Variants in SLC9A2 observed in about 807,000 individuals in gnomAD.
The protein encoded by SLC9A2 is solute carrier family 9 member A2.
In SLC9A2, 42 loss-of-function variants were observed where a neutral mutation model predicts 71.7. That is an observed-to-expected ratio of 0.59 (90% CI 0.46 to 0.76). The LOEUF is 0.76. Among genes scored for constraint, SLC9A2 ranks in the 30% least tolerant of loss-of-function variants. The pLI, the probability that SLC9A2 is intolerant of heterozygous loss-of-function variation, is 0.00. For synonymous variants in SLC9A2, 396 were observed against 392.5 expected (o/e 1.01, Z -0.10); for missense variants, 829 against 1,017.4 (o/e 0.81, Z 2.52).
intron 3 of SLC9A2, among the ~76,000 whole-genome samples, chr2:102,678,755 T>C (rs1369946861): frequency 6.6e-6 from 1 of 152,166 alleles, no homozygotes; most frequent in Non-Finnish European, 1.5e-5. Context: ...TCTGTAAGTT[T>C]CTTGTGATTC....
Position 102,694,465 on chromosome 2 carries a change from A to G in SLC9A2, c.1477A>G (p.Lys493Glu). ...GTTTCTTGATGTCAAGAGGTCCAAT[A>G]AGAAACAACAAGCTGTCAGTGAAGA... Reference protein sequence around the residue: ...VEFLDVKRSNKKQQAVSEEIY... With the variant: ...VEFLDVKRSNEKQQAVSEEIY... Residue 493 changes from lysine to glutamate, a missense_variant, in exon 6 of 12, where the codon AAG (lysine) becomes GAG (glutamate). Transcript: ENST00000233969. 9 of 1,543,456 alleles carry G rather than the reference A, an allele frequency of 5.8e-6. No homozygotes were observed. Among genetic ancestry groups the G allele is most frequent in the Non-Finnish European group, 7.9e-6 (9 of 1,134,576 alleles).
At chr2:102,641,251 A>C (rs534265605) in intron 1 of SLC9A2, among the ~76,000 whole-genome samples, 3 of 152,322 alleles carry the variant, frequency 2.0e-5, no homozygotes, top group African/African-American at 7.2e-5. Flanking sequence ...CACAGAGCTC[A>C]GGCACAGTCC....
At chr2:102,702,756 A>G (rs1677898782) in intron 9 of SLC9A2, among the ~76,000 whole-genome samples, 1 of 152,172 alleles carries the variant, frequency 6.6e-6, no homozygotes, top group Non-Finnish European at 1.5e-5. Context: ...CACGTTGACT[A>G]ATTTTAAAGA....
At chr2:102,629,572 A>C (rs1169927833) in intron 1 of SLC9A2, among the ~76,000 whole-genome samples, 1 of 152,116 alleles carries the variant, frequency 6.6e-6, no homozygotes, top group Non-Finnish European at 1.5e-5. Flanking sequence ...ATTGTGTATA[A>C]TGATATATTT....
Position 102,697,647 on chromosome 2 carries a change from T to C in SLC9A2, c.1586+2534T>C, listed in dbSNP as rs186745686. Among the ~76,000 whole-genome samples the C allele has an allele frequency of 2.2e-3, 324 of 146,078 alleles. 1 individual carries two copies. Among genetic ancestry groups the C allele is most frequent in the African/African-American group, 7.9e-3 (315 of 40,060 alleles). ...ATGATATACAGTGTCATAGACATCA[T>C]AGATGCTGTATATCACAGGTAGAGC... On this transcript the variant is annotated intron_variant, in intron 7 of 11. Transcript: ENST00000233969.
At chr2:102,645,128 C>G (rs981936053) in intron 1 of SLC9A2, among the ~76,000 whole-genome samples, 3 of 152,224 alleles carry the variant, frequency 2.0e-5, no homozygotes, top group Non-Finnish European at 2.9e-5. Flanking sequence ...TGCTGTTCTG[C>G]AGCCTCCGCT....
At chr2:102,626,551 CA>C (rs1213188055) in intron 1 of SLC9A2, among the ~76,000 whole-genome samples, 1 of 152,180 alleles carries the variant, frequency 6.6e-6, no homozygotes, top group Non-Finnish European at 1.5e-5. Flanking sequence ...GCAATGGCAA[CA>C]AAAGCCAAAA....
intron 1 of SLC9A2, among the ~76,000 whole-genome samples, chr2:102,626,227 T>C (rs1180600919): frequency 6.6e-6 from 1 of 152,148 alleles, no homozygotes; most frequent in African/African-American, 2.4e-5. Context: ...AACAGACATA[T>C]AGACCAATGG....
chr2:102,637,622 A>C (rs1676493913), intron 1 of SLC9A2, among the ~76,000 whole-genome samples: 1 of 152,172 alleles, frequency 6.6e-6, no homozygotes, highest in African/African-American at 2.4e-5. Flanking sequence ...AGAGCCACCT[A>C]CCTGCAGAAG....
At chr2:102,627,753 T>C (rs1676276809) in intron 1 of SLC9A2, among the ~76,000 whole-genome samples, 1 of 152,186 alleles carries the variant, frequency 6.6e-6, no homozygotes. Flanking sequence ...TTTCTTTGGG[T>C]TTATTTATTT....
intron 1 of SLC9A2, among the ~76,000 whole-genome samples, chr2:102,646,540 G>T (rs896416487): frequency 1.3e-5 from 2 of 152,180 alleles, no homozygotes; most frequent in African/African-American, 2.4e-5. Flanking sequence ...CCATCAGTGT[G>T]CTGTATTCAG....
chr2:102,632,148 A>ACATATATATG (rs1553423402), intron 1 of SLC9A2, among the ~76,000 whole-genome samples: 5 of 101,130 alleles, frequency 4.9e-5, no homozygotes, highest in East Asian at 3.0e-4. Context: ...GTATATATAC[A>ACATATATATG]TATATACACA....
Position 102,675,608 on chromosome 2 carries a change from G to C in SLC9A2, c.1005-7653G>C, listed in dbSNP as rs546969547. On this transcript the variant is annotated intron_variant, in intron 3 of 11. Transcript: ENST00000233969. ...CTGTCAGCAGGGATAAGGTGCCTAG[G>C]TAGAGACTCAGACAGGAAAAAAAAT... Among the ~76,000 whole-genome samples, 7 of 152,104 alleles carry C rather than the reference G, an allele frequency of 4.6e-5. No individual in the cohort carries two copies. In the South Asian group the frequency reaches 1.5e-3, roughly 32 times the overall value.
At chr2:102,632,138 G>GTATATATACATATATACACATATATA (rs1676382923) in intron 1 of SLC9A2, among the ~76,000 whole-genome samples, 1 of 97,448 alleles carries the variant, frequency 1.0e-5, no homozygotes, top group African/African-American at 5.2e-5. Context: ...ACATATATAT[G>GTATATATACATATATACACATATATA]TATATATACA....
chr2:102,623,194 C>T (rs577904437), intron 1 of SLC9A2, among the ~76,000 whole-genome samples: 8 of 152,182 alleles, frequency 5.3e-5, no homozygotes, highest in South Asian at 2.1e-4. Flanking sequence ...AAATTTGGAA[C>T]GTCTCTGGCT....
chr2:102,639,925 G>A (rs920118101), intron 1 of SLC9A2, among the ~76,000 whole-genome samples: 4 of 152,154 alleles, frequency 2.6e-5, no homozygotes, highest in African/African-American at 9.7e-5. Context: ...TAAACCTCCA[G>A]TGCAATCAAA....
At chr2:102,653,598 G>C (rs977246723) in intron 1 of SLC9A2, among the ~76,000 whole-genome samples, 2 of 152,172 alleles carry the variant, frequency 1.3e-5, no homozygotes, top group African/African-American at 2.4e-5. Flanking sequence ...AGCAGTTTCT[G>C]TTCCTTCCTT....
intron 1 of SLC9A2, among the ~76,000 whole-genome samples, chr2:102,625,473 C>T (rs909003046): frequency 1.4e-5 from 2 of 137,978 alleles, no homozygotes; most frequent in East Asian, 5.0e-4. Flanking sequence ...CTCCCCCCTC[C>T]CCCCACCGCA....
chr2:102,710,486 T>C lies in SLC9A2; in HGVS notation c.*1997T>C, dbSNP rs191382383. ...CTTTCTGGAACTGAAGGAGAAAACA[T>C]GAAAATGTTTATATTGCTTCTTGTT... On this transcript the variant is annotated 3_prime_UTR_variant, in exon 12 of 12. Transcript: ENST00000233969. 1 of 152,342 alleles carries C rather than the reference T, an allele frequency of 6.6e-6. No individual in the cohort carries two copies. Among genetic ancestry groups the C allele is most frequent in the East Asian group, 1.9e-4 (1 of 5,264 alleles). The allele number at this position is 152,342 out of a possible 1,614,324, so 9.4% of individuals were successfully genotyped here.
Sources: gnomAD v4.1 joint callset for allele counts (sites outside exome capture counted in the v4.1 genomes callset) on GRCh38, gnomAD v4.1.1 for gene constraint, MANE v1.5 for transcripts, NCBI Gene and HGNC (gene_info 2026-07-23, HGNC 2026-07-21) for gene names.